LARP4B: variants seen among roughly 807,000 people sequenced by gnomAD.
The protein encoded by LARP4B is La ribonucleoprotein 4B.
In LARP4B, 12 loss-of-function variants were observed where a neutral mutation model predicts 89.8. The ratio of observed to expected loss-of-function variants is 0.13; its 90% CI spans 0.09 to 0.22. LARP4B has a LOEUF of 0.22. LARP4B is among the 10% of genes least tolerant of loss of function. LARP4B has a pLI of 1.00. For synonymous variants in LARP4B, 367 were observed against 363.3 expected, an observed-to-expected ratio of 1.01 and a Z score of -0.12; for missense variants, 757 against 947.7, an observed-to-expected ratio of 0.80 and a Z score of 2.64.
intron 3 of LARP4B, among the ~76,000 whole-genome samples, chr10:881,677 C>G (rs1239466861): frequency 3.9e-5 from 6 of 152,194 alleles, no homozygotes; most frequent in Admixed American, 3.3e-4. Context: ...CTTATGACCT[C>G]AAGGTGAGAA....
intron 5 of LARP4B, among the ~76,000 whole-genome samples, chr10:852,427 T>C (rs1350436188): frequency 6.6e-6 from 1 of 152,182 alleles, no homozygotes; most frequent in East Asian, 1.9e-4. Context: ...CAAATTACAA[T>C]ATTCATTCCT....
intron 1 of LARP4B, among the ~76,000 whole-genome samples, chr10:924,888 T>C (rs532622162): frequency 2.1e-4 from 32 of 152,368 alleles, no homozygotes; most frequent in Non-Finnish European, 3.5e-4. Context: ...TCATCAACTA[T>C]TTAGCGCATG....
chr10:847,317 G>A (rs1019429319), intron 5 of LARP4B, among the ~76,000 whole-genome samples: 1 of 152,042 alleles, frequency 6.6e-6, no homozygotes, highest in African/African-American at 2.4e-5. Flanking sequence ...CAAGTGAGAC[G>A]GGCTCTCAGG....
rs140540635 is a variant in LARP4B, at chr10:813,030, C to T, written c.2113G>A (p.Ala705Thr). The T allele has an allele frequency of 3.7e-6, 6 of 1,612,212 alleles. No homozygotes were observed. The highest frequency in any genetic ancestry group is 1.3e-5 in the African/African-American group (1 of 74,806). Residue 705 changes from alanine to threonine, a missense_variant, in exon 18 of 18, where the codon GCC becomes ACC. Ala to Thr is a moderately conservative substitution (Grantham distance 58). Around this residue, in one of 5 missense-constraint regions of LARP4B, gnomAD observed 387 missense variants for 423.6 expected, o/e 0.91. Transcript: ENST00000316157. ...GCCGGCCGCCTCTGGTCTCTGGGGGCTCCAGGTGTGGACTTGAGGGCTGGG... is the reference window on the plus strand; with the variant it reads ...GCCGGCCGCCTCTGGTCTCTGGGGGTTCCAGGTGTGGACTTGAGGGCTGGG... The part of the protein sequence containing the change: ...EPPALKSTPG[A>T]PRDQRRPAGG...
chr10:911,765 T>C (rs1227992226), intron 1 of LARP4B, among the ~76,000 whole-genome samples: 2 of 152,164 alleles, frequency 1.3e-5, no homozygotes, highest in African/African-American at 4.8e-5. Flanking sequence ...CTGCTCCCTT[T>C]TGCATTGCGC....
chr10:943,158 G>A, the LARP4B span, among the ~76,000 whole-genome samples: 1 of 152,218 alleles, frequency 6.6e-6, no homozygotes, highest in East Asian at 1.9e-4. Flanking sequence ...TGTTGCCCAG[G>A]TTGGTCTTGA....
the LARP4B span, among the ~76,000 whole-genome samples, chr10:940,782 A>G: frequency 3.3e-5 from 5 of 152,000 alleles, no homozygotes; most frequent in South Asian, 1.0e-3. Context: ...TGGCCGGTCA[A>G]TGCCAGACTG....
In LARP4B at chr10:822,470, C is replaced by CT. The variant is rs1455261816; in HGVS notation, c.1485-1626dup. 8.5e-5 allele frequency among the ~76,000 whole-genome samples: 13 copies of CT among 152,310 alleles called. No individual in the cohort carries two copies. The highest frequency in any genetic ancestry group is 3.1e-4 in the African/African-American group (13 of 41,576). ...ACACAGACCTGCCTGCCATGGGGTC[C>CT]TATCCCAGTCACCATCAGTGGGCCC... On this transcript the variant is annotated intron_variant, in intron 13 of 17. Transcript: ENST00000316157. The surrounding 1 kb of genome is among the most constrained non-coding windows in gnomAD (Gnocchi z 4.6).
At chr10:917,178 G>A (rs979950961) in intron 1 of LARP4B, among the ~76,000 whole-genome samples, 1 of 152,106 alleles carries the variant, frequency 6.6e-6, no homozygotes, top group Non-Finnish European at 1.5e-5. Flanking sequence ...TGATTTTGAC[G>A]ACTTTTTGTT....
intron 8 of LARP4B, among the ~76,000 whole-genome samples, chr10:834,959 G>T (rs945758049): frequency 4.0e-5 from 6 of 150,588 alleles, no homozygotes; most frequent in Non-Finnish European, 2.9e-5. Flanking sequence ...AGAAGCACTC[G>T]AACCTGGGAG....
intron 1 of LARP4B, among the ~76,000 whole-genome samples, chr10:899,776 C>T (rs1836285177): frequency 6.6e-6 from 1 of 151,926 alleles, no homozygotes; most frequent in Non-Finnish European, 1.5e-5. Context: ...TTTTACAGAC[C>T]ATTTTACAAA....
intron 1 of LARP4B, among the ~76,000 whole-genome samples, chr10:888,978 C>T (rs1452081294): frequency 1.3e-5 from 2 of 151,986 alleles, no homozygotes; most frequent in Non-Finnish European, 2.9e-5. Flanking sequence ...CCAGCTCCTT[C>T]GGAGGCTGGG....
intron 1 of LARP4B, among the ~76,000 whole-genome samples, chr10:925,816 G>A (rs898116130): frequency 6.6e-6 from 1 of 152,188 alleles, no homozygotes; most frequent in Non-Finnish European, 1.5e-5. Flanking sequence ...TTACAGGCGT[G>A]AATCAAAGTG....
chr10:863,225 C>CTTTTTT (rs1564414569), intron 5 of LARP4B, among the ~76,000 whole-genome samples: 1 of 146,670 alleles, frequency 6.8e-6, no homozygotes. Flanking sequence ...AAATAGGTTT[C>CTTTTTT]ATTTTTTTTT....
intron 1 of LARP4B, among the ~76,000 whole-genome samples, chr10:916,259 C>CTGTAGCTACTCT (rs1836819611): frequency 6.6e-6 from 1 of 152,226 alleles, no homozygotes; most frequent in South Asian, 2.1e-4. Context: ...GTGTCTTTAA[C>CTGTAGCTACTCT]TGTAGCTACT....
chr10:828,096 A>G (rs1832720124), intron 11 of LARP4B, among the ~76,000 whole-genome samples: 1 of 152,134 alleles, frequency 6.6e-6, no homozygotes, highest in African/African-American at 2.4e-5. Context: ...TAGAAACCTC[A>G]GACACCTTCC....
chr10:988,002 G>A, the LARP4B span: 2 of 153,778 alleles, frequency 1.3e-5, no homozygotes, highest in East Asian at 1.9e-4. Flanking sequence ...CGCCCCGCAC[G>A]CGCGGCTTCC....
At chr10:843,867 T>A (rs1406732642) in intron 6 of LARP4B, among the ~76,000 whole-genome samples, 5 of 151,990 alleles carry the variant, frequency 3.3e-5, no homozygotes, top group Non-Finnish European at 2.9e-5. Flanking sequence ...CAGCCAGAAT[T>A]AAAAAGAAGG....
intron 1 of LARP4B, among the ~76,000 whole-genome samples, chr10:899,960 C>G (rs1836289347): frequency 6.6e-6 from 1 of 151,486 alleles, no homozygotes; most frequent in Non-Finnish European, 1.5e-5. Context: ...TTGTAGAAAA[C>G]AGTTTACCAC....
Sources: allele counts gnomAD v4.1 joint callset (sites outside exome capture counted in the v4.1 genomes callset), GRCh38; gene constraint gnomAD v4.1.1; regional missense constraint gnomAD v4.1.1; non-coding constraint Gnocchi (gnomAD v3.1); transcripts MANE v1.5; gene names NCBI Gene and HGNC (gene_info 2026-07-23, HGNC 2026-07-21).